Variants in CCDC33 observed in about 807,000 individuals in gnomAD.
CCDC33 encodes the protein coiled-coil domain containing 33.
CCDC33 carries 94 observed loss-of-function variants against 91.9 expected under a neutral mutation model. That is an observed-to-expected ratio of 1.02 (90% CI 0.87 to 1.21). The LOEUF (loss-of-function observed/expected upper bound fraction) is 1.21. Ranked by LOEUF, CCDC33 falls within the 50% of genes most tolerant of loss-of-function variation. CCDC33 has a pLI of 0.00. For synonymous variants in CCDC33, 396 were observed against 374.5 expected (o/e 1.06, Z -0.66); for missense variants, 940 against 935.5 (o/e 1.00, Z -0.06).
intron 18 of CCDC33, 25 bp downstream of exon 18, chr15:74,335,113 C>T (rs772803701): frequency 4.5e-6 from 7 of 1,541,244 alleles, no homozygotes; most frequent in Admixed American, 3.3e-5. Flanking sequence ...TGGAGTAGCT[C>T]CCAGGGGTTC....
chr15:74,248,075 TA>T (rs966077291), intron 2 of CCDC33, among the ~76,000 whole-genome samples: 177 of 145,402 alleles, frequency 1.2e-3, no homozygotes, highest in East Asian at 2.8e-3. Context: ...AGACTCCGTC[TA>T]AAAAAAAAAA....
intron 11 of CCDC33, among the ~76,000 whole-genome samples, chr15:74,306,532 G>A (rs1672906894): frequency 6.6e-6 from 1 of 152,218 alleles, no homozygotes; most frequent in Admixed American, 6.5e-5. Flanking sequence ...GGAATTACTA[G>A]TTAGTGTGTG....
At chr15:74,286,944 A>T (rs1019090580) in intron 10 of CCDC33, among the ~76,000 whole-genome samples, 1 of 152,118 alleles carries the variant, frequency 6.6e-6, no homozygotes, top group Non-Finnish European at 1.5e-5. Context: ...CAAGTCTTTG[A>T]TGCTACTCTG....
At chr15:74,207,484 G>T (rs930699862) in intron 1 of CCDC33, among the ~76,000 whole-genome samples, 1 of 152,092 alleles carries the variant, frequency 6.6e-6, no homozygotes, top group Non-Finnish European at 1.5e-5. Context: ...CCACAGATTG[G>T]AACAAGATGT....
intron 2 of CCDC33, among the ~76,000 whole-genome samples, chr15:74,220,117 G>A (rs767321268): frequency 3.3e-5 from 5 of 152,174 alleles, no homozygotes; most frequent in Non-Finnish European, 2.9e-5. Flanking sequence ...AGGGGTTTGT[G>A]CAGGGTTTGT....
chr15:74,264,484 C>G (rs1182130856), intron 3 of CCDC33, among the ~76,000 whole-genome samples: 1 of 152,174 alleles, frequency 6.6e-6, no homozygotes, highest in East Asian at 1.9e-4. Context: ...GCTGCCCACA[C>G]AGAGCTCCAG....
chr15:74,293,449 T>G (rs1165482018), intron 10 of CCDC33, among the ~76,000 whole-genome samples: 3 of 152,212 alleles, frequency 2.0e-5, no homozygotes, highest in Non-Finnish European at 4.4e-5. Flanking sequence ...CCATCCAATA[T>G]GCATTTTGTA....
intron 2 of CCDC33, among the ~76,000 whole-genome samples, chr15:74,247,375 C>T (rs112434058): frequency 0.32 from 16,177 of 50,550 alleles, 1,060 homozygotes; most frequent in Non-Finnish European, 0.37. Context: ...TATATATACA[C>T]ACACACACAC....
At chr15:74,222,377 C>T (rs923262275) in intron 2 of CCDC33, among the ~76,000 whole-genome samples, 3 of 149,368 alleles carry the variant, frequency 2.0e-5, no homozygotes, top group African/African-American at 7.4e-5. Flanking sequence ...CCACACAGCT[C>T]TGAGCTCTGG....
upstream of CCDC33, among the ~76,000 whole-genome samples, chr15:74,234,497 G>A (rs997962239): frequency 2.6e-5 from 4 of 152,270 alleles, no homozygotes; most frequent in Non-Finnish European, 4.4e-5. Flanking sequence ...AGCAGCTCTC[G>A]GGGGAGGTTA....
chr15:74,335,314 T>G, intron 18 of CCDC33: 2 of 612,560 alleles, frequency 3.3e-6, no homozygotes, highest in Non-Finnish European at 5.8e-6. Context: ...AAACTACCCT[T>G]TCCCCCATGG....
At chr15:74,313,573 C>T (rs886515716) in intron 11 of CCDC33, among the ~76,000 whole-genome samples, 3 of 151,990 alleles carry the variant, frequency 2.0e-5, no homozygotes, top group African/African-American at 4.8e-5. Flanking sequence ...GTGCTGGCCG[C>T]GATGCTCCGC....
At chr15:74,209,369 C>T in intron 1 of CCDC33, 4 of 1,535,374 alleles carry the variant, frequency 2.6e-6, no homozygotes, top group Non-Finnish European at 2.6e-6. Flanking sequence ...CTCCATTTGT[C>T]CCCATCCATC....
At chr15:74,212,415 C>T (rs574841411), upstream of CCDC33, 14 of 152,300 alleles carry the variant, frequency 9.2e-5, no homozygotes, top group Non-Finnish European at 2.1e-4. Flanking sequence ...CTCCCCTCCT[C>T]CAGCTCCTGC....
At chr15:74,273,203 T>C (rs963446327) in intron 7 of CCDC33, among the ~76,000 whole-genome samples, 4 of 152,136 alleles carry the variant, frequency 2.6e-5, no homozygotes, top group Admixed American at 6.5e-5. Flanking sequence ...AGGACAAATA[T>C]ATGATTCCAC....
intron 2 of CCDC33, among the ~76,000 whole-genome samples, chr15:74,226,553 G>T (rs2074802841): frequency 6.6e-6 from 1 of 152,174 alleles, no homozygotes; most frequent in Admixed American, 6.5e-5. Context: ...GGTGAGCCAG[G>T]CACGGTGGCT....
rs908489717 is a variant in CCDC33 at position 74,268,389 on chromosome 15, G to T, written c.477G>T (p.Leu159Phe). 6.2e-7 allele frequency: 1 copy of T among 1,610,120 alleles called. No homozygotes were observed. Among genetic ancestry groups the T allele is most frequent in the East Asian group, 2.3e-5 (1 of 44,396 alleles). ...KADEATAKTQ[L>F]YATVVRKSSF... ...ATGAAGCCACTGCCAAGACCCAGTT[G>T]TACGCAACAGTCGTTCGGAAGAGCA... Residue 159 changes from leucine (L) to phenylalanine (F), a missense_variant, in exon 5 of 19, where the codon TTG (leucine) becomes TTT (phenylalanine). Physicochemically the swap from Leu to Phe is conservative, Grantham distance 22 (BLOSUM62 0). Coordinates refer to ENST00000398814, the MANE Select transcript of CCDC33 (RefSeq NM_025055.5).
intron 10 of CCDC33, 66 bp downstream of exon 10, chr15:74,281,915 C>T (rs912429285): frequency 7.1e-7 from 1 of 1,410,166 alleles, no homozygotes; most frequent in East Asian, 2.3e-5. Context: ...CAACTTCCTT[C>T]ACAATTGCTG....
chr15:74,332,276 C>A (rs2060455756), intron 15 of CCDC33, among the ~76,000 whole-genome samples: 1 of 152,082 alleles, frequency 6.6e-6, no homozygotes, highest in South Asian at 2.1e-4. Flanking sequence ...TTTCTAGGAG[C>A]CTTTAGAATG....
Sources: gnomAD v4.1 joint callset for allele counts (sites outside exome capture counted in the v4.1 genomes callset) on GRCh38, gnomAD v4.1.1 for gene constraint, MANE v1.5 for transcripts, NCBI Gene and HGNC (gene_info 2026-07-23, HGNC 2026-07-21) for gene names.